Variants in VWDE observed in about 807,000 individuals in gnomAD.
VWDE encodes the protein von Willebrand factor D and EGF domain-containing protein.
VWDE carries 207 observed loss-of-function variants against 178.4 expected under a neutral mutation model. The observed-to-expected ratio is 1.16, with a 90% CI of 1.04 to 1.30. The LOEUF is 1.30. Ranked by LOEUF, VWDE falls within the 50% of genes most tolerant of loss-of-function variation. The probability of loss-of-function intolerance (pLI) is 0.00; values close to 1 mark genes in which losing one functional copy is unlikely to be tolerated. For missense variants in VWDE, 2,287 were observed against 1,901.3 expected (o/e 1.20, Z -3.77); for synonymous variants, 738 against 651.4 (o/e 1.13, Z -2.02).
chr7:12,401,996 T>C (rs1394777863), intron 1 of VWDE, among the ~76,000 whole-genome samples: 1 of 152,196 alleles, frequency 6.6e-6, no homozygotes, highest in Non-Finnish European at 1.5e-5. Flanking sequence ...TGCTACAAGA[T>C]GAATGAACCT....
At chr7:12,362,840 TAGA>T (rs1465034217) in intron 13 of VWDE, among the ~76,000 whole-genome samples, 2 of 152,062 alleles carry the variant, frequency 1.3e-5, no homozygotes, top group Non-Finnish European at 2.9e-5. Context: ...TTCCCTCTTG[TAGA>T]AGAAGAATGA....
At chr7:12,340,515 A>G in intron 23 of VWDE, 98 bp from the exon 24 acceptor site, 2 of 813,508 alleles carry the variant, frequency 2.5e-6, no homozygotes, top group Non-Finnish European at 3.9e-6. Context: ...GAAATATTTT[A>G]TTTTTACTGC....
intron 23 of VWDE, 125 bp downstream of exon 23, chr7:12,341,934 A>C (rs1781354912): frequency 3.2e-6 from 2 of 627,406 alleles, no homozygotes; most frequent in Admixed American, 5.7e-5. Flanking sequence ...GTCTGAAATA[A>C]CAACTTCATA....
intron 13 of VWDE, among the ~76,000 whole-genome samples, chr7:12,362,195 A>C (rs1159052106): frequency 6.9e-6 from 1 of 145,498 alleles, no homozygotes; most frequent in Non-Finnish European, 1.5e-5. Flanking sequence ...GAAGCCCACA[A>C]ACAAAAGCCA....
chr7:12,361,666 A>T, intron 13 of VWDE, 145 bp from the exon 14 acceptor site: 1 of 712,482 alleles, frequency 1.4e-6, no homozygotes, highest in African/African-American at 1.8e-5. Flanking sequence ...TCACATTGGG[A>T]GTGAGTTTTA....
At chr7:12,354,466 A>G in intron 18 of VWDE, 1 of 384,832 alleles carries the variant, frequency 2.6e-6, no homozygotes, top group South Asian at 2.0e-5. Flanking sequence ...ACACTCATCA[A>G]CATCTTCCTG....
At chr7:12,371,232 C>T (rs1028126781) in intron 10 of VWDE, among the ~76,000 whole-genome samples, 5 of 152,044 alleles carry the variant, frequency 3.3e-5, no homozygotes, top group Non-Finnish European at 7.4e-5. Context: ...AATTAGATTG[C>T]CAAATAATTA....
At chr7:12,385,915 G>A (rs1189231561) in intron 3 of VWDE, among the ~76,000 whole-genome samples, 10 of 152,172 alleles carry the variant, frequency 6.6e-5, no homozygotes. Context: ...TCAAGTGGAT[G>A]ATAGTGACAT....
At chr7:12,339,090 A>C (rs977944557) in intron 24 of VWDE, among the ~76,000 whole-genome samples, 3 of 152,088 alleles carry the variant, frequency 2.0e-5, no homozygotes, top group African/African-American at 7.2e-5. Context: ...GGAGCCTTCA[A>C]GTAAATACCA....
intron 24 of VWDE, 99 bp downstream of exon 24, chr7:12,340,223 C>A: frequency 1.1e-6 from 1 of 888,848 alleles, no homozygotes; most frequent in Non-Finnish European, 1.7e-6. Context: ...GGGAAAAAAT[C>A]GCATCTTTCC....
chr7:12,354,284 C>G (rs1782101909), intron 18 of VWDE: 1 of 364,874 alleles, frequency 2.7e-6, no homozygotes, highest in Non-Finnish European at 5.3e-6. Context: ...AAAACAGAAA[C>G]TATGCTATTA....
chr7:12,389,103 T>C, intron 3 of VWDE, 24 bp downstream of exon 3: 2 of 1,419,906 alleles, frequency 1.4e-6, no homozygotes, highest in South Asian at 1.2e-5. Context: ...ATAACAGTCA[T>C]GTGAATTACT....
chr7:12,386,306 T>C lies in VWDE; in HGVS notation c.476-2705A>G, dbSNP rs568946241. On this transcript the variant is annotated intron_variant, in intron 3 of 28. Coordinates refer to ENST00000275358, the MANE Select transcript of VWDE (RefSeq NM_001135924.3). ...TCTGGATTTTCTCCTTCCTAATGAA[T>C]GCCACTAGCTATACTAAACTGAGCA... Among the ~76,000 whole-genome samples, 176 of 152,346 alleles carry C rather than the reference T, an allele frequency of 1.2e-3. 2 individuals carry two copies. The Middle Eastern group carries it at 0.014, about 12-fold the overall frequency.
intron 3 of VWDE, chr7:12,388,858 A>G: frequency 1.6e-6 from 1 of 609,186 alleles, no homozygotes; most frequent in South Asian, 1.6e-5. Context: ...AAACCAAAGA[A>G]TTTTTAACAC....
chr7:12,389,229 C>G lies in VWDE; in HGVS notation c.373G>C (p.Asp125His). The G allele has an allele frequency of 6.4e-7, 1 of 1,551,670 alleles. No homozygotes were observed. Among genetic ancestry groups the G allele is most frequent in the Non-Finnish European group, 8.7e-7 (1 of 1,146,972 alleles). ...TWQFLFSTTKDCCLFQIPVSV... is the reference protein window; with the variant it reads ...TWQFLFSTTKHCCLFQIPVSV... ...ACTGGGATTTGAAAGAGACAGCAGT[C>G]TTTTGTAGTGCTGAACAAAAACTGC... Residue 125 changes from aspartate (D) to histidine (H), a missense_variant, in exon 3 of 29, where the codon GAC (aspartate) becomes CAC (histidine). Coordinates refer to ENST00000275358, the MANE Select transcript of VWDE (RefSeq NM_001135924.3).
chr7:12,374,045 A>G (rs1433703587), intron 9 of VWDE, among the ~76,000 whole-genome samples: 2 of 152,102 alleles, frequency 1.3e-5, no homozygotes, highest in African/African-American at 4.8e-5. Context: ...TTGCATCATG[A>G]AAAAAATGTT....
chr7:12,367,472 T>C lies in VWDE; in HGVS notation c.2783A>G (p.Glu928Gly). The C allele has an allele frequency of 6.6e-7, 1 of 1,521,748 alleles. No homozygotes were observed. Among genetic ancestry groups the C allele is most frequent in the South Asian group, 1.3e-5 (1 of 77,966 alleles). 94.3% of individuals were successfully genotyped at this position (1,521,748 alleles called of 1,614,324 possible). A position where few individuals can be genotyped will look rare whatever the true frequency, so the allele number is the denominator to read the frequency against. The part of the protein sequence containing the change: ...DSYDKAPEIT[E>G]LGNAGFCDVQ... ...ATCACAGAATCCAGCATTCCCAAGCTCTGTAATTTCAGGAGCTTTGTCTTT... is the reference window on the plus strand; with the variant it reads ...ATCACAGAATCCAGCATTCCCAAGCCCTGTAATTTCAGGAGCTTTGTCTTT... The change falls in exon 13 of 29, where the codon GAG (glutamate) becomes GGG (glycine). Residue 928 changes from glutamate (E) to glycine (G), a missense_variant. Physicochemically the swap from Glu to Gly is moderately conservative, Grantham distance 98. Transcript: ENST00000275358.
chr7:12,383,539 C>G lies in VWDE; in HGVS notation c.538G>C (p.Val180Leu). The G allele has an allele frequency of 6.5e-7, 1 of 1,550,016 alleles. No individual in the cohort carries two copies. Residue 180 changes from valine (V) to leucine (L), a missense_variant, in exon 4 of 29, where the codon GTT becomes CTT. Coordinates refer to ENST00000275358, the MANE Select transcript of VWDE (RefSeq NM_001135924.3). The part of the protein sequence containing the change: ...SDETETGGDC[V>L]RQLAASLPPP... ...AAAAGCAAAATATGATACTTACGAA[C>G]ACAATCACCTCCTGTTTCAGTTTCA...
Position 12,331,064 on chromosome 7 carries a change from A to C in VWDE, c.*119T>G. 1 of 703,916 alleles carries C rather than the reference A, an allele frequency of 1.4e-6. No homozygotes were observed. The highest frequency in any genetic ancestry group is 2.9e-5 in the East Asian group (1 of 34,258). The allele number at this position is 703,916 out of a possible 1,614,324, so 43.6% of individuals were successfully genotyped here. On this transcript the variant is annotated 3_prime_UTR_variant, in exon 29 of 29. Coordinates refer to ENST00000275358, the MANE Select transcript of VWDE (RefSeq NM_001135924.3). ...CATTATGTATTTTATTAGTTTCTTC[A>C]GTCTTTAAGATATTTTTTGAATGAT...
Sources: gnomAD v4.1 joint callset for allele counts (sites outside exome capture counted in the v4.1 genomes callset) on GRCh38, gnomAD v4.1.1 for gene constraint, MANE v1.5 for transcripts, NCBI Gene and HGNC (gene_info 2026-07-23, HGNC 2026-07-21) for gene names.